STK32C: variants seen among roughly 807,000 people sequenced by gnomAD.
STK32C encodes serine/threonine kinase 32C.
In STK32C, 31 loss-of-function variants were observed where a neutral mutation model predicts 56.5. That is an observed-to-expected ratio of 0.55 (90% CI 0.41 to 0.74). The LOEUF (loss-of-function observed/expected upper bound fraction) is 0.74, where lower values mean the gene tolerates loss of function less well. Ranked by LOEUF, STK32C falls within the 30% of genes least tolerant of loss-of-function variation. The pLI is 0.00. For synonymous variants in STK32C, 309 were observed against 289.4 expected (o/e 1.07, Z -0.69); for missense variants, 544 against 676.9 (o/e 0.80, Z 2.18).
intron 1 of STK32C, among the ~76,000 whole-genome samples, chr10:132,254,912 C>T (rs148725409): frequency 1.3e-5 from 2 of 152,096 alleles, no homozygotes; most frequent in African/African-American, 4.8e-5. Context: ...AGAGCTGCCA[C>T]GTGGTGGATG....
At chr10:132,256,221 T>C (rs2814192) in intron 1 of STK32C, among the ~76,000 whole-genome samples, 101,157 of 152,044 alleles carry the variant, frequency 0.67, 33,956 homozygotes, top group East Asian at 0.75. Flanking sequence ...CCGAAACAAT[T>C]GTGGCTTCTC....
At chr10:132,209,992 C>T (rs950776752) in intron 10 of STK32C, among the ~76,000 whole-genome samples, 2 of 152,132 alleles carry the variant, frequency 1.3e-5, no homozygotes, top group African/African-American at 4.8e-5. Flanking sequence ...CTCTGAAGGT[C>T]GGAGGGGACG....
intron 2 of STK32C, among the ~76,000 whole-genome samples, chr10:132,241,626 T>A (rs1293452896): frequency 6.6e-6 from 1 of 152,096 alleles, no homozygotes; most frequent in East Asian, 1.9e-4. Flanking sequence ...GAAGTCCGTG[T>A]GGAAAAATAA....
intron 1 of STK32C, among the ~76,000 whole-genome samples, chr10:132,264,198 ACAC>A (rs780324191): frequency 3.3e-5 from 5 of 152,210 alleles, no homozygotes; most frequent in Non-Finnish European, 7.3e-5. Context: ...AATGCACTAA[ACAC>A]CACGGAACTC....
intron 1 of STK32C, among the ~76,000 whole-genome samples, chr10:132,250,640 G>T (rs1057293236): frequency 1.3e-5 from 2 of 151,468 alleles, no homozygotes; most frequent in Admixed American, 6.6e-5. Flanking sequence ...AGGTGCCCGG[G>T]ACAGGTCACT....
At chr10:132,265,070 CGGTG>C (rs1333907954) in intron 1 of STK32C, among the ~76,000 whole-genome samples, 18 of 146,048 alleles carry the variant, frequency 1.2e-4, no homozygotes, top group African/African-American at 4.2e-4. Context: ...GCCGCAAGGG[CGGTG>C]AGGTGGGCTC....
chr10:132,272,072 G>A (rs4388795), intron 1 of STK32C, among the ~76,000 whole-genome samples: 94,330 of 152,218 alleles, frequency 0.62, 31,083 homozygotes, highest in African/African-American at 0.86. Flanking sequence ...TAGGTGTGTC[G>A]TGGGCTGTGC....
chr10:132,283,241 G>A (rs969484697), intron 1 of STK32C, among the ~76,000 whole-genome samples: 4 of 152,242 alleles, frequency 2.6e-5, no homozygotes, highest in African/African-American at 7.2e-5. Flanking sequence ...CCAGCAAAAC[G>A]TTTTCAGCAC....
chr10:132,259,793 G>T (rs2064244984), intron 1 of STK32C, among the ~76,000 whole-genome samples: 1 of 152,192 alleles, frequency 6.6e-6, no homozygotes. Flanking sequence ...GGAAACCATG[G>T]CCGGCATTCC....
chr10:132,331,805 C>G (rs760330646), exon 1 of STK32C: 1 of 1,594,580 alleles, frequency 6.3e-7, no homozygotes, highest in African/African-American at 1.3e-5. Context: ...TCTACTTGCC[C>G]GTCGACCACC....
intron 1 of STK32C, among the ~76,000 whole-genome samples, chr10:132,259,706 C>A (rs1590300503): frequency 6.6e-6 from 1 of 152,190 alleles, no homozygotes; most frequent in Non-Finnish European, 1.5e-5. Flanking sequence ...GTCCATTAAA[C>A]CTCTTTTCTT....
intron 1 of STK32C, among the ~76,000 whole-genome samples, chr10:132,294,689 C>T (rs2065681551): frequency 6.6e-6 from 1 of 152,298 alleles, no homozygotes; most frequent in East Asian, 1.9e-4. Context: ...GCACCATCTA[C>T]AGCCAACAGC....
intron 1 of STK32C, among the ~76,000 whole-genome samples, chr10:132,289,404 G>C (rs1407994908): frequency 6.6e-6 from 1 of 152,228 alleles, no homozygotes; most frequent in Non-Finnish European, 1.5e-5. Context: ...CAGTGCATCT[G>C]TCCACCAAAG....
At chr10:132,297,011 G>A (rs1481414160) in intron 1 of STK32C, among the ~76,000 whole-genome samples, 1 of 152,214 alleles carries the variant, frequency 6.6e-6, no homozygotes, top group Non-Finnish European at 1.5e-5. Flanking sequence ...CAAGGCCTGG[G>A]CACAGCTCTG....
chr10:132,260,287 G>A (rs772398551), intron 1 of STK32C, among the ~76,000 whole-genome samples: 3 of 152,162 alleles, frequency 2.0e-5, no homozygotes, highest in Non-Finnish European at 4.4e-5. Context: ...CCCACCCCCA[G>A]AGTCCGGCCC....
chr10:132,319,527 AC>A (rs1422362661), downstream of STK32C, among the ~76,000 whole-genome samples: 1 of 152,262 alleles, frequency 6.6e-6, no homozygotes, highest in Non-Finnish European at 1.5e-5. Context: ...GCCTTCTACT[AC>A]ACGGATGGAC....
chr10:132,316,288 G>A (rs1023072564), intron 1 of STK32C, among the ~76,000 whole-genome samples: 2 of 152,052 alleles, frequency 1.3e-5, no homozygotes, highest in South Asian at 2.1e-4. Context: ...TTTGTTCATG[G>A]GAGAAGAGAG....
intron 1 of STK32C, among the ~76,000 whole-genome samples, chr10:132,260,595 G>A (rs2064270437): frequency 6.6e-6 from 1 of 152,192 alleles, no homozygotes; most frequent in Non-Finnish European, 1.5e-5. Context: ...TCATTCAAGG[G>A]GACTGCTCTG....
At chr10:132,287,149 A>G (rs955821938) in intron 1 of STK32C, among the ~76,000 whole-genome samples, 2 of 152,160 alleles carry the variant, frequency 1.3e-5, no homozygotes, top group Non-Finnish European at 2.9e-5. Flanking sequence ...AGAAAAATTA[A>G]AGACGACCAA....
Sources: allele counts gnomAD v4.1 joint callset (sites outside exome capture counted in the v4.1 genomes callset), GRCh38; gene constraint gnomAD v4.1.1; transcripts MANE v1.5; gene names NCBI Gene and HGNC (gene_info 2026-07-23, HGNC 2026-07-21).